Variants in PLEKHA8 observed in about 807,000 individuals in gnomAD.
PLEKHA8 encodes the protein pleckstrin homology domain containing A8.
In PLEKHA8, 36 loss-of-function variants were observed where a neutral mutation model predicts 68.2. The ratio of observed to expected loss-of-function variants is 0.53; its 90% CI spans 0.40 to 0.70. PLEKHA8 has a LOEUF of 0.70. Among genes scored for constraint, PLEKHA8 ranks in the 30% least tolerant of loss-of-function variants. PLEKHA8 has a pLI of 0.00. For missense variants in PLEKHA8, 505 were observed against 615.4 expected, an observed-to-expected ratio of 0.82 and a Z score of 1.90; for synonymous variants, 211 against 216.1, an observed-to-expected ratio of 0.98 and a Z score of 0.20.
chr7:30,115,896 A>ATGCATGTATACATGCATGCG (rs1562558276), intron 13 of PLEKHA8: 1 of 145,110 alleles, frequency 6.9e-6, no homozygotes, highest in Non-Finnish European at 1.5e-5. Flanking sequence ...ATGCGTATAC[A>ATGCATGTATACATGCATGCG]TGCATGTATA....
At chr7:30,047,734 G>C (rs1431892799) in intron 3 of PLEKHA8, 98 bp from the exon 4 acceptor site, 2 of 1,268,840 alleles carry the variant, frequency 1.6e-6, no homozygotes, top group East Asian at 6.0e-5. Context: ...GTTCTGTGTG[G>C]TATCCTAACT....
intron 13 of PLEKHA8, among the ~76,000 whole-genome samples, chr7:30,077,797 G>A (rs1488737970): frequency 6.6e-6 from 1 of 152,136 alleles, no homozygotes; most frequent in Admixed American, 6.6e-5. Context: ...CTGAGATCTA[G>A]TGACCGCCAG....
chr7:30,061,470 A>C (rs1218084540), intron 10 of PLEKHA8, among the ~76,000 whole-genome samples: 1 of 152,178 alleles, frequency 6.6e-6, no homozygotes, highest in East Asian at 1.9e-4. Flanking sequence ...ACAGTGCCCA[A>C]TAAAAATCTT....
At chr7:30,098,770 T>C (rs574870016) in intron 13 of PLEKHA8, among the ~76,000 whole-genome samples, 88 of 152,246 alleles carry the variant, frequency 5.8e-4, no homozygotes, top group Non-Finnish European at 1.1e-3. Context: ...CCTTGACCCT[T>C]GCGCTTCCTG....
At chr7:30,041,684 G>A (rs1411621193) in intron 1 of PLEKHA8, among the ~76,000 whole-genome samples, 3 of 152,060 alleles carry the variant, frequency 2.0e-5, no homozygotes, top group African/African-American at 4.8e-5. Flanking sequence ...AGTGAACCAC[G>A]GAGCCCAGCC....
chr7:30,052,705 G>A lies in PLEKHA8; in HGVS notation c.639-4G>A, dbSNP rs767831159. On this transcript the variant is annotated splice_polypyrimidine_tract_variant and splice_region_variant and intron_variant, in intron 6 of 13. Transcript: ENST00000449726. The stretch of plus-strand genomic sequence containing the variant: ...GGCTTTTTTTCCTTTTAAAAAATTT[G>A]CAGGCAAATGGAGTTGAGCACTTGT... 19 of 1,490,738 alleles carry A rather than the reference G, an allele frequency of 1.3e-5. No homozygotes were observed. In the South Asian group the frequency reaches 2.2e-4, roughly 17 times the overall value. 92.3% of individuals were successfully genotyped at this position (1,490,738 alleles called of 1,614,324 possible). A position where few individuals can be genotyped will look rare whatever the true frequency, so the allele number is the denominator to read the frequency against.
At chr7:30,115,902 GTATA>G (rs1157028350) in intron 13 of PLEKHA8, 4 of 135,844 alleles carry the variant, frequency 2.9e-5, no homozygotes, top group Admixed American at 7.4e-5. Flanking sequence ...ATACATGCAT[GTATA>G]CATGCATGCG....
chr7:30,129,153 C>A, intron 13 of PLEKHA8: 1 of 1,459,454 alleles, frequency 6.9e-7, no homozygotes, highest in Non-Finnish European at 9.6e-7. Context: ...TGCTGAAAAA[C>A]TACTGATACA....
intron 12 of PLEKHA8, among the ~76,000 whole-genome samples, chr7:30,072,428 CCTCA>C (rs1441987200): frequency 6.6e-6 from 1 of 152,064 alleles, no homozygotes; most frequent in African/African-American, 2.4e-5. Context: ...ATTAATAAAG[CCTCA>C]CTCCAATTTT....
downstream of PLEKHA8, among the ~76,000 whole-genome samples, chr7:30,088,060 C>T (rs1380500923): frequency 1.3e-5 from 2 of 152,198 alleles, no homozygotes; most frequent in Non-Finnish European, 2.9e-5. Flanking sequence ...GCGTCACCAC[C>T]AATGTGCTTT....
chr7:30,088,337 C>T (rs1467082962), downstream of PLEKHA8, among the ~76,000 whole-genome samples: 1 of 152,116 alleles, frequency 6.6e-6, no homozygotes, highest in East Asian at 1.9e-4. Flanking sequence ...GGTTCTCACC[C>T]TGTTTGTGCA....
Position 30,082,028 on chromosome 7 carries a change from C to G in PLEKHA8, c.*3241C>G. ...GTAACTATGAGGAGAAGATGGTCTT[C>G]TCATTGGCTCTTGATGTAGCTCTGA... On this transcript the variant is annotated 3_prime_UTR_variant, in exon 14 of 14. Coordinates refer to ENST00000449726, the MANE Select transcript of PLEKHA8 (RefSeq NM_001197026.2). 1 of 950,008 alleles carries G rather than the reference C, an allele frequency of 1.1e-6. No homozygotes were observed. The highest frequency in any genetic ancestry group is 1.3e-6 in the Non-Finnish European group (1 of 797,798). The allele number at this position is 950,008 out of a possible 1,614,324, so 58.8% of individuals were successfully genotyped here.
chr7:30,117,295 T>C (rs1017576178), intron 13 of PLEKHA8, among the ~76,000 whole-genome samples: 1 of 152,226 alleles, frequency 6.6e-6, no homozygotes, highest in African/African-American at 2.4e-5. Flanking sequence ...CACTATACAA[T>C]GTCTTGGCCA....
Position 30,078,812 on chromosome 7 carries a change from C to T in PLEKHA8, c.*25C>T. 1.9e-6 allele frequency: 3 copies of T among 1,608,432 alleles called. No homozygotes were observed. The South Asian group carries it at 3.3e-5, about 18-fold the overall frequency. The stretch of plus-strand genomic sequence containing the variant: ...ATGGCTGCTGGGCAGCACCTCCTAA[C>T]TTCAGGGAATAAGTGCTAAAGTGTT... On this transcript the variant is annotated 3_prime_UTR_variant, in exon 14 of 14. Transcript: ENST00000449726.
At chr7:30,045,242 G>C in intron 2 of PLEKHA8, 41 bp downstream of exon 2, 1 of 1,499,670 alleles carries the variant, frequency 6.7e-7, no homozygotes, top group Non-Finnish European at 9.2e-7. Context: ...TTTTCTTTCT[G>C]TTTTCCCTCA....
At chr7:30,078,150 G>A (rs1794727141) in intron 13 of PLEKHA8, among the ~76,000 whole-genome samples, 3 of 152,056 alleles carry the variant, frequency 2.0e-5, no homozygotes, top group Admixed American at 6.6e-5. Context: ...TAGAAGATAC[G>A]CAAAGAAATA....
At chr7:30,051,215 G>C (rs911465381) in intron 6 of PLEKHA8, among the ~76,000 whole-genome samples, 6 of 152,106 alleles carry the variant, frequency 3.9e-5, no homozygotes, top group Admixed American at 6.6e-5. Context: ...TTATTTAATA[G>C]TTCATCTCTT....
intron 13 of PLEKHA8, among the ~76,000 whole-genome samples, chr7:30,097,159 C>T (rs946404633): frequency 6.6e-6 from 1 of 152,228 alleles, no homozygotes; most frequent in African/African-American, 2.4e-5. Flanking sequence ...TCGGCCCCCA[C>T]TCTCTTCTGG....
intron 13 of PLEKHA8, chr7:30,117,859 A>ATT (rs55995897): frequency 1.5e-5 from 10 of 653,496 alleles, no homozygotes; most frequent in African/African-American, 1.1e-4. Flanking sequence ...TTAGAAACAG[A>ATT]AGTATAACTA....
Sources: allele counts gnomAD v4.1 joint callset (sites outside exome capture counted in the v4.1 genomes callset), GRCh38; gene constraint gnomAD v4.1.1; transcripts MANE v1.5; gene names NCBI Gene and HGNC (gene_info 2026-07-23, HGNC 2026-07-21).